Variants in DNAAF5 observed in about 807,000 individuals in gnomAD.
DNAAF5 encodes the protein HEAT repeat containing 2.
DNAAF5 carries 64 observed loss-of-function variants against 75.8 expected under a neutral mutation model. That is an observed-to-expected ratio of 0.84 (90% CI 0.69 to 1.04). The LOEUF (loss-of-function observed/expected upper bound fraction) is 1.04. DNAAF5 is among the 50% of genes least tolerant of loss of function. The pLI is 0.00. For synonymous variants in DNAAF5, 657 were observed against 557.2 expected (o/e 1.18, Z -2.52); for missense variants, 1,269 against 1,178.5 (o/e 1.08, Z -1.12).
intron 1 of DNAAF5, among the ~76,000 whole-genome samples, chr7:728,048 C>T (rs771834298): frequency 1.1e-4 from 16 of 152,136 alleles, no homozygotes; most frequent in South Asian, 4.1e-4. Flanking sequence ...CCTGCCTTTC[C>T]GCTCTGGCTT....
intron 5 of DNAAF5, 118 bp from the exon 6 acceptor site, chr7:756,664 C>A: frequency 1.1e-6 from 1 of 883,192 alleles, no homozygotes; most frequent in Non-Finnish European, 1.8e-6. Flanking sequence ...CTCACTCTGC[C>A]TAACACGGGG....
chr7:770,963 C>CACAAGCTCGCGGCAGGGA, intron 9 of DNAAF5: 1 of 189,152 alleles, frequency 5.3e-6, no homozygotes, highest in Non-Finnish European at 1.1e-5. Context: ...ACTGGGTAAA[C>CACAAGCTCGCGGCAGGGA]ACAAGCTCTC....
At chr7:746,920 G>T (rs530781834) in intron 4 of DNAAF5, among the ~76,000 whole-genome samples, 1 of 152,200 alleles carries the variant, frequency 6.6e-6, no homozygotes, top group Non-Finnish European at 1.5e-5. Context: ...GGCCGCTGGC[G>T]TCTGCTCTTT....
chr7:754,691 G>T lies in DNAAF5; in HGVS notation c.1127G>T (p.Arg376Leu), dbSNP rs760488601. The change falls in exon 5 of 13, where the codon CGA becomes CTA. Residue 376 changes from arginine (R) to leucine (L), a missense_variant. Physicochemically the swap from Arg to Leu is moderately radical, Grantham distance 102 (BLOSUM62 -2). Transcript: ENST00000297440. This position sits in a 1 kb window ranked among gnomAD's most constrained non-coding sequence, Gnocchi z 4.8. ...ATCACCGACTGGGTGGTGGGGACCCGAGTGAAGTCGGCACAGCTGCTCCCA... is the reference window on the plus strand; with the variant it reads ...ATCACCGACTGGGTGGTGGGGACCCTAGTGAAGTCGGCACAGCTGCTCCCA... ...HDITDWVVGT[R>L]VKSAQLLPVL... The T allele has an allele frequency of 2.5e-5, 41 of 1,614,012 alleles. No individual in the cohort carries two copies. Among genetic ancestry groups the T allele is most frequent in the Non-Finnish European group, 3.5e-5 (41 of 1,180,022 alleles).
intron 6 of DNAAF5, among the ~76,000 whole-genome samples, chr7:761,179 G>A (rs1782630948): frequency 6.6e-6 from 1 of 152,234 alleles, no homozygotes; most frequent in Non-Finnish European, 1.5e-5. Context: ...TTAGCTCCCA[G>A]TCTGTGTTCA....
chr7:784,636 C>T (rs1319075584), intron 12 of DNAAF5, among the ~76,000 whole-genome samples: 2 of 152,210 alleles, frequency 1.3e-5, no homozygotes, highest in Admixed American at 6.5e-5. Flanking sequence ...TCATCATCGG[C>T]CACTGCTTCC....
intron 6 of DNAAF5, among the ~76,000 whole-genome samples, chr7:760,107 C>T (rs896859208): frequency 2.6e-5 from 1 of 39,110 alleles, no homozygotes; most frequent in Middle Eastern, 0.015. Context: ...GACGGGGCCG[C>T]GCGGCTCCTC....
At position 743,500 on chromosome 7, in the gene DNAAF5, C is replaced by T. The variant is rs990856942; in HGVS notation, c.1024+2035C>T. 1.2e-4 allele frequency among the ~76,000 whole-genome samples: 18 copies of T among 152,234 alleles called. No individual in the cohort carries two copies. In the South Asian group the frequency reaches 2.3e-3, roughly 19 times the overall value. On this transcript the variant is annotated intron_variant, in intron 4 of 12. Transcript: ENST00000297440. Reference sequence around the variant, plus strand: ...TGAATCACAGGGTTGCTTTTCCTCCCGGTCGGCATTCTCCACCTTGCAGCC... The same window carrying T: ...TGAATCACAGGGTTGCTTTTCCTCCTGGTCGGCATTCTCCACCTTGCAGCC...
intron 10 of DNAAF5, among the ~76,000 whole-genome samples, chr7:774,494 A>G (rs572876880): frequency 6.6e-6 from 1 of 152,252 alleles, no homozygotes; most frequent in South Asian, 2.1e-4. Context: ...TTCCGGCCCA[A>G]TGCTGGCTGC....
At chr7:763,681 C>T (rs922761997) in intron 7 of DNAAF5, 125 bp from the exon 8 acceptor site, 8 of 1,126,474 alleles carry the variant, frequency 7.1e-6, no homozygotes, top group East Asian at 2.4e-5. Context: ...GCCTCCCTCC[C>T]GATTATCCTG....
chr7:766,128 T>A (rs1782813646), intron 8 of DNAAF5, among the ~76,000 whole-genome samples: 1 of 152,210 alleles, frequency 6.6e-6, no homozygotes, highest in African/African-American at 2.4e-5. Flanking sequence ...CCATGCCTGG[T>A]TTAAAACTGC....
Position 786,169 on chromosome 7 carries a change from A to G in DNAAF5, c.*516A>G, listed in dbSNP as rs935306196. 4 of 153,224 alleles carry G rather than the reference A, an allele frequency of 2.6e-5. No individual in the cohort carries two copies. The highest frequency in any genetic ancestry group is 9.6e-5 in the African/African-American group (4 of 41,462). The allele number at this position is 153,224 out of a possible 1,614,324, so 9.5% of individuals were successfully genotyped here. ...ACTTATCAGATTTCTCCTGTTTTAA[A>G]TATACTGGGACTTTAAAGGTTATAT... On this transcript the variant is annotated 3_prime_UTR_variant, in exon 13 of 13. Transcript: ENST00000297440.
At chr7:770,438 G>A in intron 8 of DNAAF5, 33 bp from the exon 9 acceptor site, 1 of 1,601,220 alleles carries the variant, frequency 6.2e-7, no homozygotes, top group South Asian at 1.1e-5. Flanking sequence ...TCTCCTGAGG[G>A]CCGTGCACAG....
Position 785,430 on chromosome 7 carries a change from A to G in DNAAF5, c.2432-87A>G. On this transcript the variant is annotated intron_variant, in intron 12 of 12. Coordinates refer to ENST00000297440, the MANE Select transcript of DNAAF5 (RefSeq NM_017802.4). ...TGCAGATGCTTTTACAGATGCTTGA[A>G]CTTCACTACAAAGCCAATTTGCACG... is the stretch of plus-strand genomic sequence containing the variant. 4 of 1,463,350 alleles carry G rather than the reference A, an allele frequency of 2.7e-6. No homozygotes were observed. The Middle Eastern group carries it at 5.3e-4, about 195-fold the overall frequency. 90.6% of individuals were successfully genotyped at this position (1,463,350 alleles called of 1,614,324 possible). A position where few individuals can be genotyped will look rare whatever the true frequency, so the allele number is the denominator to read the frequency against.
chr7:769,424 G>T (rs1044435109), intron 8 of DNAAF5, among the ~76,000 whole-genome samples: 1 of 152,200 alleles, frequency 6.6e-6, no homozygotes, highest in Non-Finnish European at 1.5e-5. Flanking sequence ...CCCTACTGCA[G>T]TGGGGACCCC....
intron 2 of DNAAF5, among the ~76,000 whole-genome samples, chr7:731,417 T>A (rs1222714509): frequency 2.6e-5 from 4 of 152,204 alleles, no homozygotes; most frequent in Admixed American, 2.0e-4. Context: ...ACGGTGTAAC[T>A]CAGTATAACT....
chr7:737,757 G>A (rs73032406), intron 2 of DNAAF5, among the ~76,000 whole-genome samples: 1 of 152,102 alleles, frequency 6.6e-6, no homozygotes, highest in African/African-American at 2.4e-5. Flanking sequence ...GCCCAGTGAG[G>A]TCTCCTCTGA....
rs533940214 is a variant in DNAAF5 at position 755,362 on chromosome 7, C to T, written c.1257+541C>T. On this transcript the variant is annotated intron_variant, in intron 5 of 12. Transcript: ENST00000297440. ...GGTACGCACGAGGGAGTCCCATGCT[C>T]AGGCCTCTCCTCCTCACTAGGCCGG... Among the ~76,000 whole-genome samples the T allele has an allele frequency of 3.3e-5, 5 of 152,314 alleles. No homozygotes were observed. In the South Asian group the frequency reaches 6.2e-4, roughly 19 times the overall value.
rs1781347474 is a variant in DNAAF5 at position 727,144 on chromosome 7, CGCCTGGCGCTTGTGCAGCTGCTGG to C, written c.432_455del (p.Leu145_Ala152del). 2 of 1,251,290 alleles carry C rather than the reference CGCCTGGCGCTTGTGCAGCTGCTGG, an allele frequency of 1.6e-6. No individual in the cohort carries two copies. The highest frequency in any genetic ancestry group is 2.0e-6 in the Non-Finnish European group (2 of 994,400). 77.5% of individuals were successfully genotyped at this position (1,251,290 alleles called of 1,614,324 possible). On this transcript the variant is annotated inframe_deletion, in exon 1 of 13. Transcript: ENST00000297440. ...CCCGCCCGAGGCCTGTGAGGAGCTG[CGCCTGGCGCTTGTGCAGCTGCTGG>C]GCCTGGCCGTGGACCTGTGCGGCGC...
Sources: allele counts gnomAD v4.1 joint callset (sites outside exome capture counted in the v4.1 genomes callset), GRCh38; gene constraint gnomAD v4.1.1; non-coding constraint Gnocchi (gnomAD v3.1); transcripts MANE v1.5; gene names NCBI Gene and HGNC (gene_info 2026-07-23, HGNC 2026-07-21).